Variants in CNTN1 observed in about 807,000 individuals in gnomAD.
The protein encoded by CNTN1 is contactin 1, also known as contactin-1.
A neutral mutation model predicts 126.4 loss-of-function variants in CNTN1; 38 were observed. That is an observed-to-expected ratio of 0.30 (90% confidence interval 0.23 to 0.39). The LOEUF (loss-of-function observed/expected upper bound fraction) is 0.39. Ranked by LOEUF, CNTN1 falls within the 10% of genes least tolerant of loss-of-function variation. The probability of loss-of-function intolerance (pLI) is 1.00; values close to 1 mark genes in which losing one functional copy is unlikely to be tolerated. For missense variants in CNTN1, 1,009 were observed against 1,248.4 expected, an observed-to-expected ratio of 0.81 and a Z score of 2.89; for synonymous variants, 413 against 422.6, an observed-to-expected ratio of 0.98 and a Z score of 0.28.
chr12:40,813,273 T>G (rs1464834492), intron 1 of CNTN1, among the ~76,000 whole-genome samples: 1 of 151,572 alleles, frequency 6.6e-6, no homozygotes, highest in East Asian at 1.9e-4. Context: ...CATGCAGATT[T>G]GTTACATAAG....
chr12:40,783,746 A>G (rs1010801964), intron 1 of CNTN1, among the ~76,000 whole-genome samples: 2 of 152,194 alleles, frequency 1.3e-5, no homozygotes, highest in African/African-American at 4.8e-5. Flanking sequence ...ATAGATGAAT[A>G]AAGAAGGGAA....
chr12:40,708,298 T>A (rs1485177835), intron 1 of CNTN1, among the ~76,000 whole-genome samples: 1 of 152,212 alleles, frequency 6.6e-6, no homozygotes, highest in Non-Finnish European at 1.5e-5. Flanking sequence ...TCACACACAT[T>A]TTTTGATATT....
rs569029302 is a variant in CNTN1 at position 40,889,421 on chromosome 12, A to T, written c.-76-18936A>T. The stretch of plus-strand genomic sequence containing the variant: ...CAGTCTCTTCAATTTATCCCTTTAC[A>T]TATTCTGTACAAATACTAAGCAATT... On this transcript the variant is annotated intron_variant, in intron 1 of 23. Coordinates refer to ENST00000551295, the MANE Select transcript of CNTN1 (RefSeq NM_001843.4). Among the ~76,000 whole-genome samples the T allele has an allele frequency of 5.4e-4, 82 of 152,298 alleles. 1 individual carries two copies. Among genetic ancestry groups the T allele is most frequent in the South Asian group, 1.7e-3 (8 of 4,824 alleles).
intron 6 of CNTN1, among the ~76,000 whole-genome samples, chr12:40,928,293 C>T (rs1345371892): frequency 6.6e-6 from 1 of 151,978 alleles, no homozygotes; most frequent in African/African-American, 2.4e-5. Context: ...ATGTACTATA[C>T]ATATCAGCTT....
At chr12:41,030,938 A>C (rs1320047123) in intron 23 of CNTN1, among the ~76,000 whole-genome samples, 1 of 152,158 alleles carries the variant, frequency 6.6e-6, no homozygotes, top group Non-Finnish European at 1.5e-5. Flanking sequence ...AGTTTCACAA[A>C]AGGAAATCAG....
intron 16 of CNTN1, among the ~76,000 whole-genome samples, chr12:40,990,938 T>C (rs1051370366): frequency 1.8e-4 from 28 of 152,290 alleles, no homozygotes; most frequent in Middle Eastern, 3.4e-3. Flanking sequence ...CCTAAAACAC[T>C]TTTGTACTGT....
chr12:40,887,032 G>A (rs1228034546), intron 1 of CNTN1, among the ~76,000 whole-genome samples: 1 of 152,168 alleles, frequency 6.6e-6, no homozygotes, highest in African/African-American at 2.4e-5. Context: ...TTTGGCTTAG[G>A]ATTGACTTGG....
intron 15 of CNTN1, among the ~76,000 whole-genome samples, chr12:40,966,220 C>T (rs927815714): frequency 3.9e-5 from 6 of 152,082 alleles, no homozygotes; most frequent in Non-Finnish European, 7.3e-5. Flanking sequence ...CTTGCTCTGG[C>T]CAACGAAGTC....
chr12:40,929,747 C>T (rs757382046), intron 6 of CNTN1, 49 bp from the exon 7 acceptor site: 11 of 1,399,064 alleles, frequency 7.9e-6, no homozygotes, highest in Non-Finnish European at 9.1e-6. Flanking sequence ...AATTATGTAA[C>T]AACTTTGGGA....
At chr12:40,723,366 T>G (rs960055174) in intron 1 of CNTN1, among the ~76,000 whole-genome samples, 1 of 152,234 alleles carries the variant, frequency 6.6e-6, no homozygotes, top group Non-Finnish European at 1.5e-5. Context: ...CAACCTCAGC[T>G]GCTTTACGCT....
intron 1 of CNTN1, among the ~76,000 whole-genome samples, chr12:40,801,825 A>T (rs535467688): frequency 3.3e-5 from 5 of 151,916 alleles, no homozygotes; most frequent in African/African-American, 9.6e-5. Context: ...ACTTTGAGGT[A>T]TTCTGATACA....
chr12:40,956,242 C>T (rs1022788228), intron 14 of CNTN1, among the ~76,000 whole-genome samples: 4 of 152,104 alleles, frequency 2.6e-5, no homozygotes, highest in South Asian at 2.1e-4. Context: ...GAGAAGACAG[C>T]GCATACAGCT....
In CNTN1 at chr12:40,922,166, C is replaced by T. The variant is rs1161953123; in HGVS notation, c.228-90C>T. On this transcript the variant is annotated intron_variant, in intron 4 of 23. Transcript: ENST00000551295. Reference sequence around the variant, plus strand: ...TTAATTGTCTGACTTCACATGGAGCCGTACCCAAATTATTTTAGAACTGTG... The same window carrying T: ...TTAATTGTCTGACTTCACATGGAGCTGTACCCAAATTATTTTAGAACTGTG... 6.8e-5 allele frequency: 74 copies of T among 1,085,198 alleles called. No individual in the cohort carries two copies. The Admixed American group carries it at 9.1e-4, about 13-fold the overall frequency. The allele number at this position is 1,085,198 out of a possible 1,614,324, so 67.2% of individuals were successfully genotyped here.
intron 1 of CNTN1, among the ~76,000 whole-genome samples, chr12:40,905,602 A>T (rs983666952): frequency 6.6e-6 from 1 of 151,726 alleles, no homozygotes; most frequent in Non-Finnish European, 1.5e-5. Context: ...GATTACACAA[A>T]TTAGGATTTG....
chr12:40,695,818 A>C (rs571196502), intron 1 of CNTN1, among the ~76,000 whole-genome samples: 1 of 152,170 alleles, frequency 6.6e-6, no homozygotes, highest in Non-Finnish European at 1.5e-5. Flanking sequence ...TTCTACTTCT[A>C]GCTTTCAAGC....
chr12:40,950,155 T>A (rs1381210133), intron 14 of CNTN1, among the ~76,000 whole-genome samples: 1 of 149,628 alleles, frequency 6.7e-6, no homozygotes, highest in Non-Finnish European at 1.5e-5. Context: ...TTGCATCTAT[T>A]TAGCTATTAA....
intron 14 of CNTN1, among the ~76,000 whole-genome samples, chr12:40,947,081 T>C (rs577892054): frequency 3.4e-4 from 52 of 152,154 alleles, no homozygotes; most frequent in Admixed American, 1.3e-3. Context: ...TGTCTTTGTA[T>C]TTAGTAATCC....
intron 23 of CNTN1, among the ~76,000 whole-genome samples, chr12:41,054,080 T>C (rs1157710797): frequency 6.6e-6 from 1 of 151,872 alleles, no homozygotes; most frequent in Admixed American, 6.6e-5. Flanking sequence ...GAAGTTATAT[T>C]ATTCTCAAAT....
intron 11 of CNTN1, 97 bp downstream of exon 11, chr12:40,937,784 G>A (rs1270478792): frequency 1.3e-6 from 1 of 795,138 alleles, no homozygotes; most frequent in South Asian, 1.4e-5. Context: ...CCAGTATTGT[G>A]TTAGGTGTAC....
Sources: allele counts gnomAD v4.1 joint callset (sites outside exome capture counted in the v4.1 genomes callset), GRCh38; gene constraint gnomAD v4.1.1; transcripts MANE v1.5; gene names NCBI Gene and HGNC (gene_info 2026-07-23, HGNC 2026-07-21).